ADAMTS3: variants seen among roughly 807,000 people sequenced by gnomAD.
ADAMTS3 encodes ADAM metallopeptidase with thrombospondin type 1 motif 3, also known as A disintegrin and metalloproteinase with thrombospondin motifs 3.
Under a neutral mutation model 129.0 loss-of-function variants are expected in ADAMTS3, and 73 were observed. The observed-to-expected ratio is 0.57, with a 90% CI of 0.47 to 0.69. The LOEUF (loss-of-function observed/expected upper bound fraction) is 0.69. Among genes scored for constraint, ADAMTS3 ranks in the 30% least tolerant of loss-of-function variants. The pLI, the probability that ADAMTS3 is intolerant of heterozygous loss-of-function variation, is 0.00. For missense variants in ADAMTS3, 1,457 were observed against 1,514.5 expected, an observed-to-expected ratio of 0.96 and a Z score of 0.63; for synonymous variants, 477 against 510.8, an observed-to-expected ratio of 0.93 and a Z score of 0.89.
At chr4:72,528,240 T>A (rs1342452980) in intron 3 of ADAMTS3, among the ~76,000 whole-genome samples, 2 of 152,048 alleles carry the variant, frequency 1.3e-5, no homozygotes, top group Non-Finnish European at 2.9e-5. Context: ...CCATGCTAAT[T>A]TGTATTGGTT....
chr4:72,355,317 T>C (rs1197547507), intron 4 of ADAMTS3, among the ~76,000 whole-genome samples: 3 of 152,012 alleles, frequency 2.0e-5, no homozygotes, highest in African/African-American at 4.8e-5. Flanking sequence ...TCCAAAGTAC[T>C]TTCTATGAGT....
intron 3 of ADAMTS3, among the ~76,000 whole-genome samples, chr4:72,542,321 C>G (rs1183821104): frequency 6.6e-6 from 1 of 152,040 alleles, no homozygotes; most frequent in Non-Finnish European, 1.5e-5. Context: ...CCCACCACCA[C>G]GCCCGGCTAA....
intron 1 of ADAMTS3, among the ~76,000 whole-genome samples, chr4:72,568,348 G>A (rs1214303103): frequency 6.6e-6 from 1 of 152,156 alleles, no homozygotes; most frequent in African/African-American, 2.4e-5. Flanking sequence ...TCATTCAAGC[G>A]CCCAGACCGC....
At chr4:72,420,235 C>A (rs534091031) in intron 3 of ADAMTS3, among the ~76,000 whole-genome samples, 19 of 152,276 alleles carry the variant, frequency 1.2e-4, no homozygotes, top group African/African-American at 4.3e-4. Flanking sequence ...CTTCAAGACT[C>A]CACCACCTCT....
At chr4:72,366,114 G>A (rs1720861671) in intron 4 of ADAMTS3, among the ~76,000 whole-genome samples, 1 of 152,048 alleles carries the variant, frequency 6.6e-6, no homozygotes, top group Admixed American at 6.5e-5. Context: ...AGGTCTTCAA[G>A]GGCACAGTAT....
chr4:72,411,356 G>A (rs547881542), intron 4 of ADAMTS3, among the ~76,000 whole-genome samples: 66 of 152,120 alleles, frequency 4.3e-4, no homozygotes, highest in Non-Finnish European at 8.7e-4. Flanking sequence ...GCTCCAGAGT[G>A]TGGGAGAAGC....
At chr4:72,331,679 C>A (rs1406571187) in intron 5 of ADAMTS3, among the ~76,000 whole-genome samples, 1 of 152,100 alleles carries the variant, frequency 6.6e-6, no homozygotes, top group Non-Finnish European at 1.5e-5. Context: ...TCCAAAGACT[C>A]CATAAATTAA....
At position 72,550,065 on chromosome 4, in the gene ADAMTS3, AAGAGGAAGAGGAAGAG is replaced by A. The variant is rs1270567619; in HGVS notation, c.98-1197_98-1182del. Reference sequence around the variant, plus strand: ...GAAGAGGAAGAGGAAGAGGAAGAGGAAGAGGAAGAGGAAGAGGAAGAAGAAGAAGAAGAAGAAGAAG... The same window carrying A: ...GAAGAGGAAGAGGAAGAGGAAGAGGAGAAGAAGAAGAAGAAGAAGAAGAAG... On this transcript the variant is annotated intron_variant, in intron 2 of 21. Transcript: ENST00000286657. Among the ~76,000 whole-genome samples, 19 of 24,432 alleles carry A rather than the reference AAGAGGAAGAGGAAGAG, an allele frequency of 7.8e-4. 3 individuals carry two copies. Among genetic ancestry groups the A allele is most frequent in the African/African-American group, 3.2e-3 (19 of 5,930 alleles). The allele number at this position is 24,432 out of a possible 152,430, so 16.0% of individuals were successfully genotyped here. A position where few individuals can be genotyped will look rare whatever the true frequency, so the allele number is the denominator to read the frequency against.
At chr4:72,456,842 C>T (rs1358248254) in intron 3 of ADAMTS3, among the ~76,000 whole-genome samples, 2 of 151,422 alleles carry the variant, frequency 1.3e-5, no homozygotes, top group Admixed American at 1.3e-4. Context: ...CAGAGCACTC[C>T]CTATATAGTG....
chr4:72,532,286 G>C (rs1439856798), intron 3 of ADAMTS3, among the ~76,000 whole-genome samples: 2 of 152,076 alleles, frequency 1.3e-5, no homozygotes, highest in Non-Finnish European at 2.9e-5. Context: ...AGGAGATCCT[G>C]ATGCCCACTA....
intron 3 of ADAMTS3, among the ~76,000 whole-genome samples, chr4:72,522,809 C>T (rs566126354): frequency 2.0e-5 from 3 of 151,856 alleles, no homozygotes; most frequent in African/African-American, 7.3e-5. Context: ...AAGGTTATAA[C>T]CTTATAAAAG....
At chr4:72,323,647 A>G (rs540501852) in intron 5 of ADAMTS3, among the ~76,000 whole-genome samples, 35 of 152,284 alleles carry the variant, frequency 2.3e-4, no homozygotes, top group African/African-American at 7.0e-4. Flanking sequence ...AAGTCCTACA[A>G]GATAGAAATC....
chr4:72,289,741 T>TG (rs1371521742), intron 20 of ADAMTS3, among the ~76,000 whole-genome samples: 1 of 152,162 alleles, frequency 6.6e-6, no homozygotes, highest in African/African-American at 2.4e-5. Flanking sequence ...ATTGCAGGAA[T>TG]GGGCTACTGA....
chr4:72,320,097 A>G (rs889036236), intron 7 of ADAMTS3, 134 bp from the exon 8 acceptor site: 6 of 671,780 alleles, frequency 8.9e-6, no homozygotes, highest in Non-Finnish European at 1.3e-5. Flanking sequence ...CCCTACTAGC[A>G]TTGTGTCACA....
intron 3 of ADAMTS3, among the ~76,000 whole-genome samples, chr4:72,432,700 C>G (rs1023378696): frequency 6.6e-6 from 1 of 151,900 alleles, no homozygotes; most frequent in Non-Finnish European, 1.5e-5. Flanking sequence ...TGGGAATCAC[C>G]TTGAGACTGT....
At chr4:72,470,361 T>TTATATA (rs143241307) in intron 3 of ADAMTS3, among the ~76,000 whole-genome samples, 8,850 of 116,172 alleles carry the variant, frequency 0.076, 511 homozygotes, top group East Asian at 0.19. Context: ...TATTTTAAGT[T>TTATATA]TATATATATA....
At chr4:72,565,661 C>A (rs892994603) in intron 2 of ADAMTS3, among the ~76,000 whole-genome samples, 22 of 152,210 alleles carry the variant, frequency 1.4e-4, no homozygotes, top group African/African-American at 5.1e-4. Context: ...AATATGGGAA[C>A]AAGTAAATCT....
intron 13 of ADAMTS3, 80 bp downstream of exon 13, chr4:72,312,211 G>A (rs549657595): frequency 6.7e-7 from 1 of 1,494,110 alleles, no homozygotes. Flanking sequence ...GGGATCAAGA[G>A]TCCATGGGGT....
intron 4 of ADAMTS3, among the ~76,000 whole-genome samples, chr4:72,372,916 A>C (rs746753985): frequency 2.0e-5 from 3 of 152,296 alleles, no homozygotes; most frequent in Admixed American, 6.5e-5. Context: ...CAGTAGCCAA[A>C]TATAATTTTG....
Sources: allele counts gnomAD v4.1 joint callset (sites outside exome capture counted in the v4.1 genomes callset), GRCh38; gene constraint gnomAD v4.1.1; transcripts MANE v1.5; gene names NCBI Gene and HGNC (gene_info 2026-07-23, HGNC 2026-07-21).